Variants in SCN9A observed in about 807,000 individuals in gnomAD.
SCN9A encodes the protein sodium channel protein type 9 subunit alpha.
In SCN9A, 131 loss-of-function variants were observed where a neutral mutation model predicts 187.0. The observed-to-expected ratio is 0.70, with a 90% CI of 0.61 to 0.81. The LOEUF (loss-of-function observed/expected upper bound fraction) is 0.81, where lower values mean the gene tolerates loss of function less well. SCN9A is among the 30% of genes least tolerant of loss of function. SCN9A has a pLI of 0.00. For missense variants in SCN9A, 2,252 were observed against 2,396.6 expected (o/e 0.94, Z 1.26); for synonymous variants, 809 against 808.6 (o/e 1.00, Z -0.01).
intron 17 of SCN9A, among the ~76,000 whole-genome samples, chr2:166,270,656 A>G (rs561486328): frequency 7.8e-4 from 118 of 150,898 alleles, no homozygotes; most frequent in Non-Finnish European, 1.3e-3. Context: ...ACAGAGTCTC[A>G]CTCTGTAGTC....
chr2:166,362,895 CA>C (rs1378424719), intron 1 of SCN9A, among the ~76,000 whole-genome samples: 1 of 151,900 alleles, frequency 6.6e-6, no homozygotes, highest in African/African-American at 2.4e-5. Flanking sequence ...TTGACCTGTT[CA>C]TTTTTTTAAA....
In SCN9A at chr2:166,322,656, T is replaced by C. The variant is rs1457752449; in HGVS notation, c.-50-10850A>G. Among the ~76,000 whole-genome samples the C allele has an allele frequency of 2.0e-5, 3 of 152,248 alleles. No homozygotes were observed. The East Asian group carries it at 5.8e-4, about 29-fold the overall frequency. On this transcript the variant is annotated intron_variant, in intron 1 of 26. Coordinates refer to ENST00000642356, the MANE Select transcript of SCN9A (RefSeq NM_001365536.1). ...CTTGCTTTGGATAATTTTATCATGC[T>C]TCCATAATTAAAATATATTAATTAT...
intron 7 of SCN9A, among the ~76,000 whole-genome samples, chr2:166,297,431 A>G (rs1201495158): frequency 2.6e-5 from 4 of 152,136 alleles, no homozygotes; most frequent in Non-Finnish European, 5.9e-5. Flanking sequence ...ATTTAGCAAT[A>G]AAAAGAAATG....
intron 5 of SCN9A, 112 bp downstream of exon 5, chr2:166,305,680 T>G: frequency 7.1e-7 from 1 of 1,410,514 alleles, no homozygotes. Flanking sequence ...TTCCTTTAAA[T>G]ACAGACATTC....
chr2:166,287,573 C>G (rs1697828214), intron 10 of SCN9A, among the ~76,000 whole-genome samples: 1 of 152,022 alleles, frequency 6.6e-6, no homozygotes, highest in Non-Finnish European at 1.5e-5. Flanking sequence ...TTGCCCTCCC[C>G]TAATACATTA....
chr2:166,343,096 T>A (rs1699823589), intron 1 of SCN9A, among the ~76,000 whole-genome samples: 2 of 152,198 alleles, frequency 1.3e-5, no homozygotes, highest in South Asian at 4.1e-4. Flanking sequence ...AGGTAAAAAG[T>A]CTTATTCATA....
chr2:166,325,808 C>T (rs568616456), intron 1 of SCN9A, among the ~76,000 whole-genome samples: 2 of 152,206 alleles, frequency 1.3e-5, no homozygotes, highest in Admixed American at 1.3e-4. Context: ...CACCTGATAA[C>T]ATCATCAGAG....
chr2:166,366,936 C>T (rs1451402524), intron 1 of SCN9A, among the ~76,000 whole-genome samples: 2 of 151,996 alleles, frequency 1.3e-5, no homozygotes, highest in African/African-American at 4.8e-5. Context: ...TTTTAAAACC[C>T]TTAAAAGTCA....
At chr2:166,336,270 C>T (rs1354633828) in intron 1 of SCN9A, among the ~76,000 whole-genome samples, 1 of 152,012 alleles carries the variant, frequency 6.6e-6, no homozygotes, top group Admixed American at 6.6e-5. Context: ...CAATTACTGT[C>T]GCAGAAAAAT....
At chr2:166,286,291 A>AGCATTCT in intron 11 of SCN9A, 45 bp downstream of exon 11, 1 of 1,531,646 alleles carries the variant, frequency 6.5e-7, no homozygotes, top group Non-Finnish European at 8.8e-7. Flanking sequence ...ATTTTTCTCT[A>AGCATTCT]GCATTCTGCC....
chr2:166,302,938 T>C (rs1466229892), intron 7 of SCN9A, 152 bp downstream of exon 7: 7 of 629,884 alleles, frequency 1.1e-5, no homozygotes, highest in African/African-American at 1.9e-5. Context: ...ATGAAAATCA[T>C]ATATAACATG....
chr2:166,368,143 A>G (rs1700462907), intron 1 of SCN9A, among the ~76,000 whole-genome samples: 1 of 152,194 alleles, frequency 6.6e-6, no homozygotes, highest in Admixed American at 6.5e-5. Flanking sequence ...GAGTCTTTGG[A>G]AAGGTTAGGT....
At chr2:166,346,459 A>G (rs1385004943) in intron 1 of SCN9A, among the ~76,000 whole-genome samples, 1 of 152,204 alleles carries the variant, frequency 6.6e-6, no homozygotes, top group Non-Finnish European at 1.5e-5. Context: ...TGTCCAGTAG[A>G]AAATGTATTA....
rs558793028 is a variant in SCN9A at position 166,330,997 on chromosome 2, GAAA to G, written c.-50-19194_-50-19192del. ...TTATACAACTGGGGGAGGAGGTTGA[GAAA>G]AAATGCAAAAATACAAGGGCAAATT... On this transcript the variant is annotated intron_variant, in intron 1 of 26. Coordinates refer to ENST00000642356, the MANE Select transcript of SCN9A (RefSeq NM_001365536.1). 3.3e-3 allele frequency among the ~76,000 whole-genome samples: 500 copies of G among 151,982 alleles called. 4 individuals carry two copies. The highest frequency in any genetic ancestry group is 0.012 in the African/African-American group (479 of 41,462).
chr2:166,340,769 C>T (rs1282556150), intron 1 of SCN9A, among the ~76,000 whole-genome samples: 7 of 151,598 alleles, frequency 4.6e-5, no homozygotes, highest in Non-Finnish European at 8.8e-5. Context: ...TGCAGGCAGG[C>T]GCCACAACAC....
intron 14 of SCN9A, among the ~76,000 whole-genome samples, chr2:166,279,434 A>G (rs1442287152): frequency 6.6e-6 from 1 of 152,168 alleles, no homozygotes; most frequent in Admixed American, 6.6e-5. Flanking sequence ...CCTAAAAATG[A>G]ACTGGTGCCT....
Position 166,281,777 on chromosome 2 carries a change from C to CTA in SCN9A, c.2005_2006insTA (p.Arg669LeufsTer13). Reference sequence around the variant, plus strand: ...CTCTGAAAGGAGATAGGAACTACAACGCCTTTTCTTGTGTATTTGATTGGT... The same window carrying CTA: ...CTCTGAAAGGAGATAGGAACTACAACTAGCCTTTTCTTGTGTATTTGATTGGT... On this transcript the variant is annotated frameshift_variant, in exon 13 of 27. Transcript: ENST00000642356. LOFTEE classifies it high-confidence loss of function. 1 of 1,612,674 alleles carries CTA rather than the reference C, an allele frequency of 6.2e-7. No homozygotes were observed. Among genetic ancestry groups the CTA allele is most frequent in the Non-Finnish European group, 8.5e-7 (1 of 1,179,320 alleles).
At chr2:166,202,646 A>G (rs1296286419) in intron 26 of SCN9A, among the ~76,000 whole-genome samples, 2 of 151,770 alleles carry the variant, frequency 1.3e-5, no homozygotes, top group African/African-American at 4.8e-5. Flanking sequence ...CAATCCTTTC[A>G]ATTATTTTAG....
At chr2:166,318,227 T>G (rs529638862) in intron 1 of SCN9A, among the ~76,000 whole-genome samples, 74 of 152,178 alleles carry the variant, frequency 4.9e-4, no homozygotes, top group African/African-American at 1.5e-3. Context: ...CCTTATCTAC[T>G]CCTCATCCAT....
Sources: allele counts gnomAD v4.1 joint callset (sites outside exome capture counted in the v4.1 genomes callset), GRCh38; gene constraint gnomAD v4.1.1; transcripts MANE v1.5; gene names NCBI Gene and HGNC (gene_info 2026-07-23, HGNC 2026-07-21).